Variants in TRHDE observed in about 807,000 individuals in gnomAD.
The protein encoded by TRHDE is thyrotropin-releasing hormone-degrading ectoenzyme.
A neutral mutation model predicts 125.7 loss-of-function variants in TRHDE; 72 were observed. The observed-to-expected ratio is 0.57, with a 90% CI of 0.47 to 0.70. The LOEUF is 0.70. Among genes scored for constraint, TRHDE ranks in the 30% least tolerant of loss-of-function variants. The pLI is 0.00. For missense variants in TRHDE, 1,110 were observed against 1,327.1 expected, an observed-to-expected ratio of 0.84 and a Z score of 2.54; for synonymous variants, 509 against 509.1, an observed-to-expected ratio of 1.00 and a Z score of 0.00.
At chr12:72,549,633 G>A (rs1029462429) in intron 7 of TRHDE, among the ~76,000 whole-genome samples, 9 of 151,524 alleles carry the variant, frequency 5.9e-5, no homozygotes, top group African/African-American at 1.9e-4. Flanking sequence ...TTTAATTATT[G>A]GATTTGACTT....
chr12:72,593,556 T>C (rs1242249348), intron 12 of TRHDE, among the ~76,000 whole-genome samples: 3 of 152,192 alleles, frequency 2.0e-5, no homozygotes. Flanking sequence ...AGGGTACCTG[T>C]GCACAACGTG....
intron 12 of TRHDE, among the ~76,000 whole-genome samples, chr12:72,618,229 T>C (rs985103992): frequency 1.3e-5 from 2 of 152,170 alleles, no homozygotes; most frequent in Non-Finnish European, 2.9e-5. Flanking sequence ...TTTAGTATTT[T>C]CTAAGGAAAC....
At chr12:72,243,294 T>C (rs986945945) in intron 2 of TRHDE, among the ~76,000 whole-genome samples, 2 of 152,210 alleles carry the variant, frequency 1.3e-5, no homozygotes, top group African/African-American at 2.4e-5. Context: ...GCTTTTTTTC[T>C]ACATTTTGTA....
chr12:72,224,154 GTATGTATGTATGTATCTATCTATCTATC>G (rs1462443064), intron 2 of TRHDE, among the ~76,000 whole-genome samples: 26 of 37,648 alleles, frequency 6.9e-4, no homozygotes, highest in South Asian at 3.0e-3. Flanking sequence ...ATCTATGTAT[GTATGTATGTATGTATCTATCTATCTATC>G]TATCTATCTA....
intron 2 of TRHDE, among the ~76,000 whole-genome samples, chr12:72,351,028 G>A (rs1870558270): frequency 6.6e-6 from 1 of 151,970 alleles, no homozygotes; most frequent in South Asian, 2.1e-4. Context: ...ATGTGTTTGA[G>A]TTTCTGTCAT....
intron 2 of TRHDE, among the ~76,000 whole-genome samples, chr12:72,238,741 G>A (rs1382086545): frequency 1.3e-5 from 2 of 151,952 alleles, no homozygotes; most frequent in Non-Finnish European, 2.9e-5. Context: ...TTTTATGGCC[G>A]CATAGTATTC....
chr12:72,422,929 C>A (rs888820815), intron 3 of TRHDE, among the ~76,000 whole-genome samples: 1 of 152,032 alleles, frequency 6.6e-6, no homozygotes, highest in African/African-American at 2.4e-5. Flanking sequence ...ATCATGGACT[C>A]CCCAGCCTCC....
At chr12:72,233,032 G>GA (rs753321823) in intron 2 of TRHDE, among the ~76,000 whole-genome samples, 9 of 152,134 alleles carry the variant, frequency 5.9e-5, no homozygotes, top group Non-Finnish European at 1.3e-4. Context: ...CAGGGTAAGA[G>GA]CTTAATATAT....
chr12:72,308,095 C>T (rs549347676), intron 2 of TRHDE, among the ~76,000 whole-genome samples: 1 of 151,486 alleles, frequency 6.6e-6, no homozygotes, highest in Non-Finnish European at 1.5e-5. Flanking sequence ...TAAGATCATC[C>T]TCTAGTTTAC....
At chr12:72,326,336 G>A (rs149543295) in intron 2 of TRHDE, among the ~76,000 whole-genome samples, 1 of 152,072 alleles carries the variant, frequency 6.6e-6, no homozygotes, top group Admixed American at 6.6e-5. Context: ...ACTCATAAGT[G>A]GGAGTTGAAC....
At chr12:72,094,389 G>A (rs1260483933) in intron 1 of TRHDE, among the ~76,000 whole-genome samples, 1 of 152,110 alleles carries the variant, frequency 6.6e-6, no homozygotes, top group African/African-American at 2.4e-5. Context: ...CTGCCTCTGG[G>A]GTTACTGATG....
intron 2 of TRHDE, among the ~76,000 whole-genome samples, chr12:72,337,900 G>A (rs1159679048): frequency 2.0e-4 from 31 of 152,064 alleles, no homozygotes; most frequent in Admixed American, 2.0e-3. Flanking sequence ...ATTGGCTGTG[G>A]TTACACGTAG....
intron 1 of TRHDE, 135 bp from the exon 2 acceptor site, chr12:72,286,546 T>A: frequency 3.9e-6 from 3 of 760,356 alleles, no homozygotes; most frequent in Admixed American, 5.6e-5. Context: ...ATGCTATTCA[T>A]GCACTTAAGT....
At chr12:72,164,261 G>T (rs998147761) in intron 2 of TRHDE, among the ~76,000 whole-genome samples, 3 of 152,160 alleles carry the variant, frequency 2.0e-5, no homozygotes, top group African/African-American at 7.2e-5. Flanking sequence ...CTTTAATGGG[G>T]ATGTAGAATT....
At chr12:72,356,933 A>G (rs1387278724) in intron 2 of TRHDE, among the ~76,000 whole-genome samples, 2 of 151,540 alleles carry the variant, frequency 1.3e-5, no homozygotes, top group East Asian at 3.9e-4. Context: ...AAATATCTAT[A>G]TTTTCGGAAA....
chr12:72,374,681 C>T (rs181045491), intron 2 of TRHDE, among the ~76,000 whole-genome samples: 11 of 152,150 alleles, frequency 7.2e-5, no homozygotes, highest in Middle Eastern at 3.4e-3. Flanking sequence ...AGGAAGTGAT[C>T]GATCAACTGT....
At chr12:72,645,951 C>T (rs1007154161) in intron 15 of TRHDE, among the ~76,000 whole-genome samples, 6 of 151,882 alleles carry the variant, frequency 4.0e-5, no homozygotes, top group African/African-American at 1.5e-4. Context: ...AGCAGACTTG[C>T]CTTGAAAGAA....
At chr12:72,311,729 A>G (rs188954503) in intron 2 of TRHDE, among the ~76,000 whole-genome samples, 1 of 152,288 alleles carries the variant, frequency 6.6e-6, no homozygotes, top group Admixed American at 6.5e-5. Flanking sequence ...GAGTCAGTAC[A>G]TTTTGGTGGA....
chr12:72,473,946 A>G (rs1310419440), intron 5 of TRHDE, among the ~76,000 whole-genome samples: 1 of 152,118 alleles, frequency 6.6e-6, no homozygotes. Context: ...GCAATGTACC[A>G]ATACTTATCA....
Sources: gnomAD v4.1 joint callset for allele counts (sites outside exome capture counted in the v4.1 genomes callset) on GRCh38, gnomAD v4.1.1 for gene constraint, MANE v1.5 for transcripts, NCBI Gene and HGNC (gene_info 2026-07-23, HGNC 2026-07-21) for gene names.